The following SLC30A9 variants were observed in gnomAD, a reference collection of about 807,000 sequenced individuals.
The protein encoded by SLC30A9 is proton-coupled zinc antiporter SLC30A9, mitochondrial.
In SLC30A9, 58 loss-of-function variants were observed where a neutral mutation model predicts 87.5. The ratio of observed to expected loss-of-function variants is 0.66; its 90% CI spans 0.54 to 0.82. The LOEUF is 0.82. Ranked by LOEUF, SLC30A9 falls within the 40% of genes least tolerant of loss-of-function variation. SLC30A9 has a pLI of 0.00. For synonymous variants in SLC30A9, 234 were observed against 233.0 expected, an observed-to-expected ratio of 1.00 and a Z score of -0.04; for missense variants, 557 against 679.1, an observed-to-expected ratio of 0.82 and a Z score of 2.00.
chr4:42,075,032 TATATATATATATATATATA>T (rs1718466906), intron 15 of SLC30A9, among the ~76,000 whole-genome samples: 2 of 6,246 alleles, frequency 3.2e-4, no homozygotes, highest in Non-Finnish European at 6.6e-4. Context: ...TATATATATA[TATATATATATATATATATA>T]TATATATATT....
chr4:42,034,681 A>G (rs1009478090), intron 6 of SLC30A9, among the ~76,000 whole-genome samples: 2 of 152,100 alleles, frequency 1.3e-5, no homozygotes, highest in African/African-American at 4.8e-5. Flanking sequence ...TCATCCATCC[A>G]TGGACATTTG....
chr4:42,076,978 G>GAAAA (rs1407204611), intron 16 of SLC30A9, among the ~76,000 whole-genome samples: 3 of 120,836 alleles, frequency 2.5e-5, no homozygotes, highest in East Asian at 2.5e-4. Context: ...AAAAAAAAAA[G>GAAAA]AAAGAAACAA....
At chr4:42,056,698 C>T (rs1051711620) in intron 9 of SLC30A9, among the ~76,000 whole-genome samples, 3 of 152,158 alleles carry the variant, frequency 2.0e-5, no homozygotes, top group Non-Finnish European at 4.4e-5. Flanking sequence ...AGTCTTAACT[C>T]ATTTCAGCAT....
chr4:42,045,584 TAAAAAA>T (rs34964085), intron 8 of SLC30A9, among the ~76,000 whole-genome samples: 1 of 134,810 alleles, frequency 7.4e-6, no homozygotes, highest in Non-Finnish European at 1.5e-5. Flanking sequence ...GCCTATCAAC[TAAAAAA>T]AAAAAAAAAA....
intron 6 of SLC30A9, among the ~76,000 whole-genome samples, chr4:42,033,102 A>G (rs1379050763): frequency 2.0e-5 from 3 of 152,190 alleles, no homozygotes; most frequent in African/African-American, 4.8e-5. Context: ...ATTTTTCTAT[A>G]TAGAAATATC....
chr4:42,055,511 C>T (rs369278657), intron 9 of SLC30A9, among the ~76,000 whole-genome samples: 6 of 152,150 alleles, frequency 3.9e-5, no homozygotes, highest in South Asian at 4.1e-4. Context: ...CTCAGCTTCC[C>T]GAATAGCTGG....
intron 3 of SLC30A9, 101 bp from the exon 4 acceptor site, chr4:42,020,315 G>T: frequency 1.8e-6 from 1 of 566,948 alleles, no homozygotes; most frequent in Admixed American, 3.2e-5. Flanking sequence ...TCAGTTTTCT[G>T]TGAAATTCAT....
chr4:42,049,571 C>T (rs1717306415), intron 9 of SLC30A9, 92 bp downstream of exon 9: 13 of 607,348 alleles, frequency 2.1e-5, no homozygotes, highest in Non-Finnish European at 3.0e-5. Context: ...CTGAATGATT[C>T]CAGTAGTTGG....
chr4:42,021,618 A>G (rs1327643987), intron 4 of SLC30A9, among the ~76,000 whole-genome samples: 1 of 152,244 alleles, frequency 6.6e-6, no homozygotes, highest in Non-Finnish European at 1.5e-5. Flanking sequence ...TCTTTATGAC[A>G]TCATTCCTTT....
In SLC30A9 at chr4:41,994,847, G is replaced by T. The variant is rs939882303; in HGVS notation, c.109+4087G>T. 4.2e-5 allele frequency among the ~76,000 whole-genome samples: 5 copies of T among 119,204 alleles called. No homozygotes were observed. In the South Asian group the frequency reaches 1.3e-3, roughly 30 times the overall value. The allele number at this position is 119,204 out of a possible 152,430, so 78.2% of individuals were successfully genotyped here. The stretch of plus-strand genomic sequence containing the variant: ...GGTCTCAAAAAAAAAAAAAAAAAAA[G>T]ACCATTTAGACTGTCAATGCTCTTA... On this transcript the variant is annotated intron_variant, in intron 1 of 17. Transcript: ENST00000264451.
chr4:42,062,023 C>T (rs987875921), intron 10 of SLC30A9, among the ~76,000 whole-genome samples: 3 of 151,882 alleles, frequency 2.0e-5, no homozygotes, highest in Non-Finnish European at 4.4e-5. Context: ...GGAGAAGCCC[C>T]GTCTCTACTA....
chr4:42,076,357 ATTC>A (rs1288433246), intron 16 of SLC30A9, among the ~76,000 whole-genome samples: 2 of 152,160 alleles, frequency 1.3e-5, no homozygotes, highest in African/African-American at 4.8e-5. Context: ...TCTATATCTC[ATTC>A]TTCTTCTTCC....
At chr4:42,030,016 TG>T in intron 6 of SLC30A9, 1 of 879,832 alleles carries the variant, frequency 1.1e-6, no homozygotes, top group Non-Finnish European at 1.8e-6. Flanking sequence ...AACCTTACCA[TG>T]GACACTGAAA....
Position 42,088,246 on chromosome 4 carries a change from T to G in SLC30A9, c.*2120T>G, listed in dbSNP as rs769332486. 4 of 152,150 alleles carry G rather than the reference T, an allele frequency of 2.6e-5. No homozygotes were observed. The highest frequency in any genetic ancestry group is 3.2e-3 in the Middle Eastern group (1 of 316). 9.4% of individuals were successfully genotyped at this position (152,150 alleles called of 1,614,324 possible). A position where few individuals can be genotyped will look rare whatever the true frequency, so the allele number is the denominator to read the frequency against. On this transcript the variant is annotated 3_prime_UTR_variant, in exon 18 of 18. Coordinates refer to ENST00000264451, the MANE Select transcript of SLC30A9 (RefSeq NM_006345.4). Reference sequence around the variant, plus strand: ...AAATTTTTCTAGAGTCACTGAATTTTCAAATCAGAGAATTTGGGCTGGATA... The same window carrying G: ...AAATTTTTCTAGAGTCACTGAATTTGCAAATCAGAGAATTTGGGCTGGATA...
intron 10 of SLC30A9, among the ~76,000 whole-genome samples, chr4:42,061,538 ACT>A (rs1381912800): frequency 6.6e-6 from 1 of 152,224 alleles, no homozygotes; most frequent in Admixed American, 6.5e-5. Flanking sequence ...ACATCTATAA[ACT>A]GGGAATTCCC....
intron 9 of SLC30A9, among the ~76,000 whole-genome samples, chr4:42,057,190 C>T (rs907732354): frequency 1.3e-5 from 2 of 152,148 alleles, no homozygotes; most frequent in Admixed American, 6.5e-5. Context: ...GGGCAATGGC[C>T]GCCCTCTGCT....
intron 2 of SLC30A9, among the ~76,000 whole-genome samples, chr4:42,017,773 A>G (rs1033157390): frequency 6.6e-6 from 1 of 152,162 alleles, no homozygotes. Flanking sequence ...ATTCACCATT[A>G]AAGACAATGT....
intron 15 of SLC30A9, among the ~76,000 whole-genome samples, chr4:42,075,042 TA>T (rs1718473499): frequency 6.9e-4 from 9 of 13,092 alleles, no homozygotes; most frequent in Non-Finnish European, 1.2e-3. Flanking sequence ...TATATATATA[TA>T]TATATATATA....
chr4:42,029,384 T>C, intron 6 of SLC30A9: 2 of 609,688 alleles, frequency 3.3e-6, no homozygotes, highest in South Asian at 1.4e-5. Flanking sequence ...GTGGTGCTGC[T>C]CACCATCAGT....
Sources: allele counts gnomAD v4.1 joint callset (sites outside exome capture counted in the v4.1 genomes callset), GRCh38; gene constraint gnomAD v4.1.1; transcripts MANE v1.5; gene names NCBI Gene and HGNC (gene_info 2026-07-23, HGNC 2026-07-21).